Variants in JAG1 observed in about 807,000 individuals in gnomAD.
The protein encoded by JAG1 is jagged canonical Notch ligand 1.
In JAG1, 23 loss-of-function variants were observed where a neutral mutation model predicts 148.7. The ratio of observed to expected loss-of-function variants is 0.15; its 90% CI spans 0.11 to 0.22. JAG1 has a LOEUF of 0.22. Ranked by LOEUF, JAG1 falls within the 10% of genes least tolerant of loss-of-function variation. The probability of loss-of-function intolerance (pLI) is 1.00; values close to 1 mark genes in which losing one functional copy is unlikely to be tolerated. For missense variants in JAG1, 1,054 were observed against 1,611.2 expected (o/e 0.65, Z 5.92); for synonymous variants, 572 against 598.3 (o/e 0.96, Z 0.64).
At chr20:10,651,393 T>C (rs2067345360) in intron 8 of JAG1, 188 bp downstream of exon 8, 1 of 585,408 alleles carries the variant, frequency 1.7e-6, no homozygotes, top group South Asian at 2.1e-5. Flanking sequence ...GCTACCTTAG[T>C]GGGACAGGAT....
chr20:10,640,978 A>G, intron 24 of JAG1, 45 bp from the exon 25 acceptor site: 1 of 1,613,176 alleles, frequency 6.2e-7, no homozygotes, highest in Middle Eastern at 1.7e-4. Flanking sequence ...GAATACTCAA[A>G]GCAGCCTTTC....
At position 10,645,509 on chromosome 20, in the gene JAG1, C is replaced by T. The variant is rs374119919; in HGVS notation, c.2000-40G>A. ...GAGACAATCGGCTGAAGACGAGATC[C>T]AGGACCATTCACGACAGGCGAGAGC... On this transcript the variant is annotated intron_variant, in intron 15 of 25. Transcript: ENST00000254958. This position sits in a 1 kb window ranked among gnomAD's most constrained non-coding sequence, Gnocchi z 6.1. 1.4e-5 allele frequency: 22 copies of T among 1,527,374 alleles called. No homozygotes were observed. The highest frequency in any genetic ancestry group is 1.7e-4 in the Middle Eastern group (1 of 5,886). The allele number at this position is 1,527,374 out of a possible 1,614,324, so 94.6% of individuals were successfully genotyped here.
chr20:10,651,473 C>CCT, intron 8 of JAG1, 108 bp downstream of exon 8: 1 of 722,234 alleles, frequency 1.4e-6, no homozygotes, highest in Admixed American at 2.2e-5. Context: ...TGCACCCGCC[C>CCT]CTCTCTCACC....
intron 8 of JAG1, 93 bp from the exon 9 acceptor site, chr20:10,650,453 A>G: frequency 1.3e-6 from 1 of 759,732 alleles, no homozygotes; most frequent in Non-Finnish European, 2.3e-6. Flanking sequence ...AGGGGCTGTC[A>G]TTGAAGAGCC....
chr20:10,642,370 G>T (rs1270119249), intron 21 of JAG1, 118 bp downstream of exon 21: 6 of 685,920 alleles, frequency 8.7e-6, no homozygotes. Flanking sequence ...TTCCCTTGTA[G>T]TCCCACTGTG....
intron 10 of JAG1, 119 bp downstream of exon 10, chr20:10,649,403 C>T: frequency 1.4e-6 from 1 of 736,268 alleles, no homozygotes; most frequent in Non-Finnish European, 2.4e-6. Context: ...CTCAAAAAAC[C>T]ATTCCCACTC....
rs150811951 is a variant in JAG1 at position 10,639,826 on chromosome 20, T to C, written c.3329A>G (p.Asn1110Ser). Residue 1110 changes from asparagine to serine, a missense_variant, in exon 26 of 26, where the codon AAC (asparagine) becomes AGC (serine). Coordinates refer to ENST00000254958, the MANE Select transcript of JAG1 (RefSeq NM_000214.3). The stretch of plus-strand genomic sequence containing the variant: ...CTGCTCCCGCACGTTGTTGGTGGTG[T>C]TGTCCTCAGAGGCTGAGTGTGTGTG... ...GSHTHSASED[N>S]TTNNVREQLN... 42 of 1,614,208 alleles carry C rather than the reference T, an allele frequency of 2.6e-5. 1 individual carries two copies. In the Middle Eastern group the frequency reaches 8.2e-4, roughly 32 times the overall value.
rs59417356 is a variant in JAG1, at chr20:10,664,373, AACACACACACACAC to A, written c.388-373_388-360del. Among the ~76,000 whole-genome samples the A allele has an allele frequency of 1.8e-4, 26 of 144,684 alleles. No individual in the cohort carries two copies. The Middle Eastern group carries it at 0.011, about 59-fold the overall frequency. 94.9% of individuals were successfully genotyped at this position (144,684 alleles called of 152,430 possible). ...AGACCCTGACCCTAGTGCATGAGGA[AACACACACACACAC>A]ACACACACACACACACACACACACA... On this transcript the variant is annotated intron_variant, in intron 2 of 25. Transcript: ENST00000254958.
intron 21 of JAG1, among the ~76,000 whole-genome samples, chr20:10,642,206 C>T (rs570213981): frequency 2.6e-4 from 39 of 152,270 alleles, no homozygotes; most frequent in Admixed American, 4.6e-4. Context: ...CAACCCACAG[C>T]GCAATCTCTC....
intron 2 of JAG1, among the ~76,000 whole-genome samples, chr20:10,669,489 T>C (rs978702792): frequency 1.6e-5 from 2 of 128,472 alleles, no homozygotes; most frequent in Non-Finnish European, 3.1e-5. Context: ...GCCTGAAGCA[T>C]GAAGGGGGCC....
chr20:10,645,816 G>T lies in JAG1; in HGVS notation c.1999+155C>A. 1.4e-6 allele frequency: 1 copy of T among 706,436 alleles called. No individual in the cohort carries two copies. Among genetic ancestry groups the T allele is most frequent in the Non-Finnish European group, 2.6e-6 (1 of 390,252 alleles). 43.8% of individuals were successfully genotyped at this position (706,436 alleles called of 1,614,324 possible). A position where few individuals can be genotyped will look rare whatever the true frequency, so the allele number is the denominator to read the frequency against. On this transcript the variant is annotated intron_variant, in intron 15 of 25. Transcript: ENST00000254958. The surrounding 1 kb of genome is among the most constrained non-coding windows in gnomAD (Gnocchi z 6.1). ...TAAGCTATCATCAGGACTCATAAAT[G>T]CAAATGAGACACAAGTGATACTGTC...
chr20:10,659,417 G>A (rs2067399837), intron 3 of JAG1, among the ~76,000 whole-genome samples: 1 of 152,292 alleles, frequency 6.6e-6, no homozygotes, highest in East Asian at 1.9e-4. Flanking sequence ...AGCTCCCTAT[G>A]GAATGTTGCT....
intron 2 of JAG1, among the ~76,000 whole-genome samples, chr20:10,668,029 G>A (rs1013516508): frequency 4.0e-5 from 6 of 150,066 alleles, no homozygotes; most frequent in African/African-American, 7.4e-5. Flanking sequence ...ACTACTGGGA[G>A]CCACCTTGCG....
chr20:10,659,559 C>CT (rs35826283), intron 3 of JAG1, among the ~76,000 whole-genome samples: 5,375 of 104,810 alleles, frequency 0.051, 587 homozygotes, highest in East Asian at 0.15. Context: ...GATTAAGTTA[C>CT]TTTTTTTTTT....
At chr20:10,668,383 C>T (rs1264490981) in intron 2 of JAG1, among the ~76,000 whole-genome samples, 1 of 152,174 alleles carries the variant, frequency 6.6e-6, no homozygotes, top group African/African-American at 2.4e-5. Flanking sequence ...CAGCCTAGAT[C>T]CTAGGCTTGA....
chr20:10,669,189 G>A (rs776920346), intron 2 of JAG1, among the ~76,000 whole-genome samples: 10 of 152,084 alleles, frequency 6.6e-5, no homozygotes, highest in African/African-American at 9.7e-5. Flanking sequence ...TTTGGTTTGA[G>A]GTAGACTTCT....
intron 3 of JAG1, among the ~76,000 whole-genome samples, chr20:10,659,346 C>T (rs2067399057): frequency 6.6e-6 from 1 of 152,196 alleles, no homozygotes; most frequent in Non-Finnish European, 1.5e-5. Flanking sequence ...CTCTTCTCTG[C>T]CAACTTTTCT....
intron 18 of JAG1, 173 bp downstream of exon 18, chr20:10,644,690 C>G (rs902732602): frequency 4.5e-6 from 3 of 671,458 alleles, no homozygotes; most frequent in Non-Finnish European, 5.4e-6. Context: ...ATCTTATTGG[C>G]GACTTTCTCA....
Position 10,640,835 on chromosome 20 carries a change from A to C in JAG1, c.3147T>G (p.Ile1049Met), listed in dbSNP as rs1003116204. The change falls in exon 25 of 26, where the codon ATT becomes ATG. Residue 1049 changes from isoleucine to methionine, a missense_variant. Ile to Met is a conservative substitution (Grantham distance 10). This residue lies in a region of JAG1 where 342 missense variants were observed against 514.6 expected (regional missense o/e 0.66). Transcript: ENST00000254958. ...GAACTCTTACTTCTGCAACGGCAGCAATCAGCGAGCTGTTTCCATCACGTT... is the reference window on the plus strand; with the variant it reads ...GAACTCTTACTTCTGCAACGGCAGCCATCAGCGAGCTGTTTCCATCACGTT... ...VSKRDGNSSL[I>M]AAVAEVRVQR... is the part of the protein sequence containing the mutation. 6 of 1,614,098 alleles carry C rather than the reference A, an allele frequency of 3.7e-6. No homozygotes were observed. Among genetic ancestry groups the C allele is most frequent in the Non-Finnish European group, 5.1e-6 (6 of 1,180,050 alleles).
Sources: allele counts gnomAD v4.1 joint callset (sites outside exome capture counted in the v4.1 genomes callset), GRCh38; gene constraint gnomAD v4.1.1; regional missense constraint gnomAD v4.1.1; non-coding constraint Gnocchi (gnomAD v3.1); transcripts MANE v1.5; gene names NCBI Gene and HGNC (gene_info 2026-07-23, HGNC 2026-07-21).